SLC12A3: variants seen among roughly 807,000 people sequenced by gnomAD.
The protein encoded by SLC12A3 is Na-Cl cotransporter.
SLC12A3 carries 104 observed loss-of-function variants against 121.0 expected under a neutral mutation model. That is an observed-to-expected ratio of 0.86 (90% confidence interval 0.73 to 1.01). The LOEUF is 1.01. SLC12A3 is among the 50% of genes least tolerant of loss of function. SLC12A3 has a pLI of 0.00. For missense variants in SLC12A3, 1,328 were observed against 1,356.3 expected (o/e 0.98, Z 0.33); for synonymous variants, 536 against 533.4 (o/e 1.00, Z -0.07).
chr16:56,893,963 T>A (rs1567442369), intron 21 of SLC12A3, among the ~76,000 whole-genome samples: 2 of 141,686 alleles, frequency 1.4e-5, no homozygotes, highest in African/African-American at 5.4e-5. Context: ...TTTTTATTTT[T>A]ATTTTTATTT....
chr16:56,884,433 G>C (rs987840249), intron 14 of SLC12A3, among the ~76,000 whole-genome samples: 1 of 152,326 alleles, frequency 6.6e-6, no homozygotes, highest in South Asian at 2.1e-4. Flanking sequence ...CAGGACCCTG[G>C]AATCCCCTGT....
intron 13 of SLC12A3, among the ~76,000 whole-genome samples, chr16:56,883,257 G>T (rs8063406): frequency 0.43 from 63,796 of 149,246 alleles, 14,097 homozygotes; most frequent in East Asian, 0.59. Context: ...CAATAAAGAG[G>T]CTTGAGGAAG....
intron 9 of SLC12A3, among the ~76,000 whole-genome samples, chr16:56,878,712 TGG>T (rs1164844014): frequency 6.6e-6 from 1 of 152,080 alleles, no homozygotes; most frequent in Non-Finnish European, 1.5e-5. Flanking sequence ...TTCCTCCCAG[TGG>T]CCCCGTTTGA....
intron 15 of SLC12A3, 70 bp downstream of exon 15, chr16:56,885,434 G>A: frequency 9.8e-7 from 1 of 1,018,306 alleles, no homozygotes; most frequent in Non-Finnish European, 1.5e-6. Context: ...GAGTTTCCAA[G>A]CCTAGACCTG....
intron 10 of SLC12A3, among the ~76,000 whole-genome samples, 157 bp downstream of exon 10, chr16:56,879,384 C>T (rs1251403450): frequency 1.3e-5 from 2 of 152,062 alleles, no homozygotes; most frequent in African/African-American, 2.4e-5. Context: ...TGTCCAGTCC[C>T]GACTTGTGGG....
At chr16:56,882,960 T>C (rs1456132093) in intron 13 of SLC12A3, among the ~76,000 whole-genome samples, 1 of 151,998 alleles carries the variant, frequency 6.6e-6, no homozygotes, top group Non-Finnish European at 1.5e-5. Context: ...GTAATAATAA[T>C]AATGATAATA....
At chr16:56,893,847 G>A (rs548516749) in intron 21 of SLC12A3, among the ~76,000 whole-genome samples, 2 of 152,172 alleles carry the variant, frequency 1.3e-5, no homozygotes, top group East Asian at 1.9e-4. Context: ...GCATGATGTC[G>A]GCTCACTGCA....
chr16:56,872,865 G>A (rs1646757104), intron 8 of SLC12A3, 79 bp downstream of exon 8: 5 of 1,582,394 alleles, frequency 3.2e-6, no homozygotes, highest in Non-Finnish European at 1.7e-6. Flanking sequence ...TGCTCTAGTG[G>A]CATCTGCCGC....
At chr16:56,895,515 A>G (rs1370313849) in intron 22 of SLC12A3, among the ~76,000 whole-genome samples, 2 of 149,246 alleles carry the variant, frequency 1.3e-5, no homozygotes, top group East Asian at 3.9e-4. Context: ...TTTTTATATA[A>G]ATATTTTATA....
chr16:56,879,272 TG>T, intron 10 of SLC12A3, 45 bp downstream of exon 10: 1 of 1,611,286 alleles, frequency 6.2e-7, no homozygotes, highest in Non-Finnish European at 8.5e-7. Context: ...GGGGGCTGGG[TG>T]GAGGCTGCAG....
At position 56,870,230 on chromosome 16, in the gene SLC12A3, C is replaced by A. The variant is rs2055074667; in HGVS notation, c.736C>A (p.Leu246Ile). The change falls in exon 5 of 26, where the codon CTC becomes ATC. Residue 246 changes from leucine to isoleucine, a missense_variant. Transcript: ENST00000563236. ...CTTTGCAGAGACCGTGCGGGACCTG[C>A]TCCAGGTGAGGCCGGGGGGCTGGAC... Reference protein sequence around the residue: ...VGFAETVRDLLQEYGAPIVDP... With the variant: ...VGFAETVRDLIQEYGAPIVDP... 1.9e-6 allele frequency: 3 copies of A among 1,613,280 alleles called. No homozygotes were observed. In the East Asian group the frequency reaches 6.7e-5, roughly 36 times the overall value.
At chr16:56,883,892 C>T (rs1596916543) in intron 13 of SLC12A3, among the ~76,000 whole-genome samples, 157 bp from the exon 14 acceptor site, 1 of 152,224 alleles carries the variant, frequency 6.6e-6, no homozygotes, top group African/African-American at 2.4e-5. Context: ...AGACCCAGCC[C>T]AGGAGGCAGG....
chr16:56,887,019 A>G lies in SLC12A3; in HGVS notation c.2104A>G (p.Lys702Glu). The G allele has an allele frequency of 6.2e-7, 1 of 1,613,914 alleles. No homozygotes were observed. Among genetic ancestry groups the G allele is most frequent in the Non-Finnish European group, 8.5e-7 (1 of 1,180,002 alleles). Reference sequence around the variant, plus strand: ...CAACGGGCACACCAAGTGGCTGAACAAGAGGAAGATCAAGGCCTTCTACTC... The same window carrying G: ...CAACGGGCACACCAAGTGGCTGAACGAGAGGAAGATCAAGGCCTTCTACTC... ...IANGHTKWLN[K>E]RKIKAFYSDV... The change falls in exon 17 of 26, where the codon AAG (lysine) becomes GAG (glutamate). Residue 702 changes from lysine (K) to glutamate (E), a missense_variant. By Grantham distance (56) the Lys-to-Glu change is moderately conservative. Transcript: ENST00000563236.
intron 9 of SLC12A3, among the ~76,000 whole-genome samples, chr16:56,878,408 G>A (rs1425876073): frequency 1.3e-5 from 2 of 152,086 alleles, no homozygotes; most frequent in African/African-American, 4.8e-5. Flanking sequence ...GGCTCCTTGG[G>A]TCCCTTGAAG....
At chr16:56,887,484 G>A (rs1428274298) in intron 17 of SLC12A3, among the ~76,000 whole-genome samples, 1 of 151,756 alleles carries the variant, frequency 6.6e-6, no homozygotes, top group Non-Finnish European at 1.5e-5. Context: ...TCGGTTTACA[G>A]GCATGAGCCA....
chr16:56,880,518 G>A (rs2055226738), intron 12 of SLC12A3, among the ~76,000 whole-genome samples: 1 of 152,134 alleles, frequency 6.6e-6, no homozygotes, highest in South Asian at 2.1e-4. Context: ...TGTTAGAAGA[G>A]AACTTACCTG....
Position 56,890,332 on chromosome 16 carries a change from G to A in SLC12A3, c.2344G>A (p.Val782Met), listed in dbSNP as rs748388143. Residue 782 changes from valine (V) to methionine (M), a missense_variant, in exon 19 of 26, where the codon GTG (valine) becomes ATG (methionine). Transcript: ENST00000563236. ...CVMRMREGLNVSKMMQAHINP... is the reference protein window; with the variant it reads ...CVMRMREGLNMSKMMQAHINP... ...CATGAGGATGCGGGAGGGACTCAAC[G>A]TGTCCAAGATGATGCAGGCGCACAG... is the stretch of plus-strand genomic sequence containing the variant. 5.6e-6 allele frequency: 9 copies of A among 1,613,990 alleles called. No homozygotes were observed. The East Asian group carries it at 1.3e-4, about 24-fold the overall frequency.
chr16:56,869,258 A>G (rs1241892604), intron 3 of SLC12A3, among the ~76,000 whole-genome samples: 1 of 152,212 alleles, frequency 6.6e-6, no homozygotes, highest in Non-Finnish European at 1.5e-5. Context: ...CTTCCCCTCC[A>G]TACCTAACAA....
intron 12 of SLC12A3, 98 bp downstream of exon 12, chr16:56,880,351 C>A: frequency 7.0e-7 from 1 of 1,433,586 alleles, no homozygotes; most frequent in East Asian, 2.5e-5. Context: ...TCCTCATCTC[C>A]CCGCCGGGCC....
Sources: gnomAD v4.1 joint callset for allele counts (sites outside exome capture counted in the v4.1 genomes callset) on GRCh38, gnomAD v4.1.1 for gene constraint, MANE v1.5 for transcripts, NCBI Gene and HGNC (gene_info 2026-07-23, HGNC 2026-07-21) for gene names.